Variants in DAB1 observed in about 807,000 individuals in gnomAD.
The protein encoded by DAB1 is DAB adaptor protein 1, also known as disabled homolog 1.
A neutral mutation model predicts 64.6 loss-of-function variants in DAB1; 15 were observed. That is an observed-to-expected ratio of 0.23 (90% CI 0.16 to 0.36). The LOEUF is 0.36. Among genes scored for constraint, DAB1 ranks in the 10% least tolerant of loss-of-function variants. The pLI, the probability that DAB1 is intolerant of heterozygous loss-of-function variation, is 1.00. For synonymous variants in DAB1, 235 were observed against 251.9 expected, an observed-to-expected ratio of 0.93 and a Z score of 0.64; for missense variants, 596 against 706.7, an observed-to-expected ratio of 0.84 and a Z score of 1.78.
intron 1 of DAB1, among the ~76,000 whole-genome samples, chr1:57,850,394 T>C (rs1653466091): frequency 6.6e-6 from 1 of 151,576 alleles, no homozygotes; most frequent in East Asian, 1.9e-4. Flanking sequence ...AAGGACACGC[T>C]GTAAAAAGGC....
intron 1 of DAB1, among the ~76,000 whole-genome samples, chr1:57,868,298 G>A (rs1654390784): frequency 6.6e-6 from 1 of 150,984 alleles, no homozygotes; most frequent in Non-Finnish European, 1.5e-5. Context: ...CATTTTCAGG[G>A]TGTTCTAGGC....
chr1:58,350,924 T>A (rs1384939702), intron 3 of DAB1, among the ~76,000 whole-genome samples: 2 of 152,204 alleles, frequency 1.3e-5, no homozygotes, highest in African/African-American at 4.8e-5. Context: ...TGCTTAGGTT[T>A]GTCTTGGCTA....
intron 7 of DAB1, among the ~76,000 whole-genome samples, chr1:57,452,797 C>A (rs907616837): frequency 6.6e-6 from 1 of 151,838 alleles, no homozygotes; most frequent in Non-Finnish European, 1.5e-5. Flanking sequence ...TTCTAAACAC[C>A]ATTGTATTTT....
At chr1:57,726,737 A>C (rs1338935575) in intron 6 of DAB1, among the ~76,000 whole-genome samples, 1 of 152,220 alleles carries the variant, frequency 6.6e-6, no homozygotes, top group African/African-American at 2.4e-5. Context: ...GCCGCAAAGA[A>C]GTTAAGTAAC....
intron 7 of DAB1, among the ~76,000 whole-genome samples, chr1:57,550,465 T>C (rs981233291): frequency 2.6e-5 from 4 of 152,136 alleles, no homozygotes; most frequent in African/African-American, 4.8e-5. Context: ...CACTCCCCTC[T>C]ACTGAGTATT....
chr1:57,123,417 A>G (rs776337401), intron 4 of DAB1, among the ~76,000 whole-genome samples: 37 of 152,212 alleles, frequency 2.4e-4, no homozygotes, highest in Non-Finnish European at 4.7e-4. Flanking sequence ...GGACAGAGGC[A>G]TTCAAACTAA....
At chr1:58,372,825 CT>C (rs368121663) in intron 3 of DAB1, among the ~76,000 whole-genome samples, 266 of 152,272 alleles carry the variant, frequency 1.7e-3, no homozygotes, top group African/African-American at 6.3e-3. Flanking sequence ...TAAGACATGC[CT>C]TGCTTTCCAT....
At chr1:58,054,238 G>T (rs1262297891) in intron 5 of DAB1, among the ~76,000 whole-genome samples, 1 of 152,200 alleles carries the variant, frequency 6.6e-6, no homozygotes, top group South Asian at 2.1e-4. Flanking sequence ...CCATTTCTCT[G>T]CCAAGAGGAG....
At chr1:57,612,195 T>TTGTGTGTG (rs58605325) in intron 7 of DAB1, among the ~76,000 whole-genome samples, 1,667 of 149,602 alleles carry the variant, frequency 0.011, 20 homozygotes, top group African/African-American at 0.032. Context: ...TGGCATGATC[T>TTGTGTGTG]TGTGTGTGTG....
At chr1:57,852,526 CAGA>C (rs1405820416) in intron 1 of DAB1, among the ~76,000 whole-genome samples, 1 of 152,040 alleles carries the variant, frequency 6.6e-6, no homozygotes, top group African/African-American at 2.4e-5. Flanking sequence ...TCACCACTGG[CAGA>C]AGAACAGAGA....
chr1:58,538,710 T>C, intron 1 of DAB1: 1 of 600,964 alleles, frequency 1.7e-6, no homozygotes, highest in Non-Finnish European at 2.9e-6. Flanking sequence ...AATAAAAAAA[T>C]TAATTTCTAA....
intron 3 of DAB1, among the ~76,000 whole-genome samples, chr1:58,428,639 C>A (rs1644842207): frequency 6.6e-6 from 1 of 152,032 alleles, no homozygotes; most frequent in Non-Finnish European, 1.5e-5. Context: ...ATAAAAAAAT[C>A]CTTATCTTTA....
chr1:58,464,918 G>A (rs1344534865), intron 3 of DAB1, among the ~76,000 whole-genome samples: 2 of 152,150 alleles, frequency 1.3e-5, no homozygotes, highest in African/African-American at 4.8e-5. Flanking sequence ...ATCGGGGCAG[G>A]AGAGGACCTT....
At chr1:58,363,832 G>T (rs1644190181) in intron 3 of DAB1, among the ~76,000 whole-genome samples, 1 of 151,818 alleles carries the variant, frequency 6.6e-6, no homozygotes, top group Admixed American at 6.6e-5. Context: ...ATTCTCTTCT[G>T]TTGCTGCACT....
intron 1 of DAB1, among the ~76,000 whole-genome samples, chr1:57,337,722 A>G (rs1677196232): frequency 6.6e-6 from 1 of 152,086 alleles, no homozygotes; most frequent in African/African-American, 2.4e-5. Flanking sequence ...TGTGCCAGTG[A>G]GTGAATGAAG....
At chr1:58,182,476 T>A (rs148916097) in intron 4 of DAB1, among the ~76,000 whole-genome samples, 15 of 151,840 alleles carry the variant, frequency 9.9e-5, no homozygotes, top group Non-Finnish European at 1.9e-4. Flanking sequence ...CTGTTCATCT[T>A]TCTCTATTTG....
intron 4 of DAB1, among the ~76,000 whole-genome samples, chr1:58,274,655 G>C (rs779006215): frequency 1.3e-5 from 2 of 152,096 alleles, no homozygotes; most frequent in Non-Finnish European, 2.9e-5. Flanking sequence ...AGCAGTCAGC[G>C]AGATTCCGTG....
intron 7 of DAB1, among the ~76,000 whole-genome samples, chr1:57,601,961 G>A (rs901303271): frequency 1.3e-5 from 2 of 152,112 alleles, no homozygotes; most frequent in Non-Finnish European, 2.9e-5. Context: ...GAACAAATGG[G>A]CCTGATTCCA....
chr1:58,372,462 G>C lies in DAB1; in HGVS notation n.258-29059C>G, dbSNP rs142355689. On this transcript the variant is annotated intron_variant and non_coding_transcript_variant, in intron 3 of 20. Transcript: ENST00000485760. ...ACAGGCTCAGAGGTGGAAGGGACTTGCCTTGTCTCAGATGAGGCTTTGGAC... is the reference window on the plus strand; with the variant it reads ...ACAGGCTCAGAGGTGGAAGGGACTTCCCTTGTCTCAGATGAGGCTTTGGAC... Among the ~76,000 whole-genome samples, 843 of 152,258 alleles carry C rather than the reference G, an allele frequency of 5.5e-3. 7 individuals carry two copies. The highest frequency in any genetic ancestry group is 0.019 in the African/African-American group (790 of 41,544).
Sources: allele counts gnomAD v4.1 joint callset (sites outside exome capture counted in the v4.1 genomes callset), GRCh38; gene constraint gnomAD v4.1.1; transcripts MANE v1.5; gene names NCBI Gene and HGNC (gene_info 2026-07-23, HGNC 2026-07-21).